OPCML: variants seen among roughly 807,000 people sequenced by gnomAD.
OPCML encodes opioid binding protein/cell adhesion molecule like.
OPCML carries 13 observed loss-of-function variants against 37.8 expected under a neutral mutation model. That is an observed-to-expected ratio of 0.34 (90% CI 0.22 to 0.55). The LOEUF is 0.55. Among genes scored for constraint, OPCML ranks in the 20% least tolerant of loss-of-function variants. OPCML has a pLI of 0.91. For missense variants in OPCML, 341 were observed against 435.6 expected (o/e 0.78, Z 1.93); for synonymous variants, 176 against 168.8 (o/e 1.04, Z -0.33).
At chr11:132,772,782 C>T (rs1463870958) in intron 2 of OPCML, 1 of 152,212 alleles carries the variant, frequency 6.6e-6, no homozygotes, top group Non-Finnish European at 1.5e-5. Context: ...TGAGCTACAT[C>T]TCAAATGGCC....
At chr11:133,190,001 T>C (rs1938238034) in intron 1 of OPCML, among the ~76,000 whole-genome samples, 1 of 152,192 alleles carries the variant, frequency 6.6e-6, no homozygotes, top group African/African-American at 2.4e-5. Flanking sequence ...TTTCACCAGA[T>C]TCTAAATTTT....
At chr11:133,311,287 T>C (rs1188026847) in intron 1 of OPCML, among the ~76,000 whole-genome samples, 1 of 152,158 alleles carries the variant, frequency 6.6e-6, no homozygotes, top group African/African-American at 2.4e-5. Context: ...GAGAGGTGGT[T>C]TACTAGGAGG....
intron 1 of OPCML, among the ~76,000 whole-genome samples, chr11:132,954,321 T>C (rs1214005226): frequency 6.6e-6 from 1 of 152,122 alleles, no homozygotes; most frequent in Non-Finnish European, 1.5e-5. Flanking sequence ...TAAAAATATG[T>C]ACAGCATGCT....
chr11:133,117,452 C>A (rs2137107672), intron 1 of OPCML, among the ~76,000 whole-genome samples: 1 of 152,324 alleles, frequency 6.6e-6, no homozygotes, highest in Non-Finnish European at 1.5e-5. Flanking sequence ...TAGCACTGAG[C>A]TGTGAAGGGA....
At chr11:132,638,520 A>G (rs912507707) in intron 3 of OPCML, among the ~76,000 whole-genome samples, 4 of 152,222 alleles carry the variant, frequency 2.6e-5, no homozygotes, top group African/African-American at 9.6e-5. Context: ...CTGCTAAGAT[A>G]TGGGTGTGGT....
chr11:133,304,944 G>A (rs1045917229), intron 1 of OPCML, among the ~76,000 whole-genome samples: 3 of 152,098 alleles, frequency 2.0e-5, no homozygotes, highest in African/African-American at 7.2e-5. Flanking sequence ...TATCTTAAGT[G>A]TAAAAAGACC....
At chr11:132,971,949 G>A (rs1591863097) in intron 1 of OPCML, among the ~76,000 whole-genome samples, 1 of 152,128 alleles carries the variant, frequency 6.6e-6, no homozygotes, top group South Asian at 2.1e-4. Context: ...TACTGCTGCT[G>A]CCGTTATCCT....
chr11:133,376,427 A>G (rs1008238543), intron 1 of OPCML, among the ~76,000 whole-genome samples: 1 of 152,202 alleles, frequency 6.6e-6, no homozygotes, highest in African/African-American at 2.4e-5. Context: ...AAACATCACT[A>G]TGGATGATTT....
At chr11:132,494,284 C>T (rs1182341984) in intron 4 of OPCML, among the ~76,000 whole-genome samples, 1 of 152,204 alleles carries the variant, frequency 6.6e-6, no homozygotes, top group Non-Finnish European at 1.5e-5. Context: ...TATAATAAAA[C>T]TGCGTAACAA....
At chr11:133,225,070 G>T (rs1438046684) in intron 1 of OPCML, among the ~76,000 whole-genome samples, 2 of 152,206 alleles carry the variant, frequency 1.3e-5, no homozygotes, top group Non-Finnish European at 2.9e-5. Context: ...GAAGTGCTCT[G>T]TAAATGTGTA....
chr11:133,194,947 A>AC (rs1938480629), intron 1 of OPCML, among the ~76,000 whole-genome samples: 1 of 152,162 alleles, frequency 6.6e-6, no homozygotes, highest in South Asian at 2.1e-4. Context: ...CAACTCCTTC[A>AC]CGTAGCCTTT....
At chr11:133,093,553 A>G (rs1018578322) in intron 1 of OPCML, among the ~76,000 whole-genome samples, 3 of 152,176 alleles carry the variant, frequency 2.0e-5, no homozygotes, top group Non-Finnish European at 2.9e-5. Flanking sequence ...GCTCATAGTG[A>G]TCTATGAAAT....
At chr11:132,632,274 C>A (rs1191606450) in intron 3 of OPCML, among the ~76,000 whole-genome samples, 1 of 109,682 alleles carries the variant, frequency 9.1e-6, no homozygotes, top group African/African-American at 3.8e-5. Context: ...TTGGAGGGAG[C>A]AAGGAGGAGA....
chr11:132,755,078 G>T (rs1275558242), intron 2 of OPCML, among the ~76,000 whole-genome samples: 1 of 149,854 alleles, frequency 6.7e-6, no homozygotes, highest in Non-Finnish European at 1.5e-5. Flanking sequence ...TTTGAAATCA[G>T]TGTAAGATTG....
intron 2 of OPCML, among the ~76,000 whole-genome samples, chr11:132,791,155 C>A (rs966212510): frequency 1.3e-5 from 2 of 152,130 alleles, no homozygotes; most frequent in African/African-American, 4.8e-5. Context: ...CCGTTGTGCA[C>A]CAGGAAAAGC....
At chr11:132,844,616 G>A (rs753605942) in intron 2 of OPCML, among the ~76,000 whole-genome samples, 23 of 152,032 alleles carry the variant, frequency 1.5e-4, no homozygotes, top group Non-Finnish European at 7.4e-5. Context: ...TATAGACCAG[G>A]GCTAAAAACA....
At chr11:133,466,591 A>G (rs1007822706) in intron 1 of OPCML, among the ~76,000 whole-genome samples, 13 of 152,372 alleles carry the variant, frequency 8.5e-5, no homozygotes, top group African/African-American at 3.1e-4. Flanking sequence ...CTATGCGAAC[A>G]TTCGCTACCA....
Position 133,102,995 on chromosome 11 carries a change from G to A in OPCML, c.62-159985C>T, listed in dbSNP as rs1369367898. 3.3e-5 allele frequency among the ~76,000 whole-genome samples: 5 copies of A among 152,260 alleles called. No individual in the cohort carries two copies. The South Asian group carries it at 6.2e-4, about 19-fold the overall frequency. On this transcript the variant is annotated intron_variant, in intron 1 of 7. Transcript: ENST00000524381. ...GAGAATGACCAGTGGCTCCTGGGGA[G>A]AGTATCCCTCTGAAGCTACCTTGAC...
chr11:132,983,978 T>G (rs1233669287), intron 1 of OPCML, among the ~76,000 whole-genome samples: 1 of 152,246 alleles, frequency 6.6e-6, no homozygotes, highest in African/African-American at 2.4e-5. Context: ...TTGTCTGGAT[T>G]CCTCAGAAGG....
Sources: allele counts gnomAD v4.1 joint callset (sites outside exome capture counted in the v4.1 genomes callset), GRCh38; gene constraint gnomAD v4.1.1; transcripts MANE v1.5; gene names NCBI Gene and HGNC (gene_info 2026-07-23, HGNC 2026-07-21).